The following CMIP variants were observed in gnomAD, a reference collection of about 807,000 sequenced individuals.
CMIP encodes the protein C-Maf-inducing protein.
CMIP carries 13 observed loss-of-function variants against 97.3 expected under a neutral mutation model. That is an observed-to-expected ratio of 0.13 (90% CI 0.09 to 0.21). The LOEUF is 0.21. Ranked by LOEUF, CMIP falls within the 10% of genes least tolerant of loss-of-function variation. The pLI is 1.00. For synonymous variants in CMIP, 538 were observed against 436.3 expected (o/e 1.23, Z -2.91); for missense variants, 847 against 1,024.9 (o/e 0.83, Z 2.37).
chr16:81,545,018 G>A (rs1017101192), intron 1 of CMIP, among the ~76,000 whole-genome samples: 1 of 152,088 alleles, frequency 6.6e-6, no homozygotes, highest in Non-Finnish European at 1.5e-5. Flanking sequence ...CAGACACCCT[G>A]TGCTCCAGCC....
rs1322726280 is a variant in CMIP, at chr16:81,444,938, C to G, written c.-304C>G. Among the ~76,000 whole-genome samples the G allele has an allele frequency of 7.3e-6, 1 of 136,470 alleles. No individual in the cohort carries two copies. The highest frequency in any genetic ancestry group is 1.6e-5 in the Non-Finnish European group (1 of 61,810). 89.5% of individuals were successfully genotyped at this position (136,470 alleles called of 152,430 possible). A position where few individuals can be genotyped will look rare whatever the true frequency, so the allele number is the denominator to read the frequency against. On this transcript the variant is annotated 5_prime_UTR_variant, in exon 1 of 21. Transcript: ENST00000537098. ...CCCGCCCTCCGCGCCTGGCCCCGGCCCGCCCTCGGCCTCCCCCGCCCCTCC... is the reference window on the plus strand; with the variant it reads ...CCCGCCCTCCGCGCCTGGCCCCGGCGCGCCCTCGGCCTCCCCCGCCCCTCC...
chr16:81,614,757 ATGTCTGTGG>A lies in CMIP; in HGVS notation c.427-6115_427-6107del, dbSNP rs746617081. On this transcript the variant is annotated intron_variant, in intron 2 of 20. Coordinates refer to ENST00000537098, the MANE Select transcript of CMIP (RefSeq NM_198390.3). This position sits in a 1 kb window ranked among gnomAD's most constrained non-coding sequence, Gnocchi z 5.3. The stretch of plus-strand genomic sequence containing the variant: ...TGTCTCTGTGAGTGTGTATGTGTCT[ATGTCTGTGG>A]TGTGTGTGGTATGTGTGCATGTGTG... Among the ~76,000 whole-genome samples, 7 of 149,918 alleles carry A rather than the reference ATGTCTGTGG, an allele frequency of 4.7e-5. No individual in the cohort carries two copies. Among genetic ancestry groups the A allele is most frequent in the Non-Finnish European group, 8.9e-5 (6 of 67,574 alleles).
chr16:81,498,911 G>T (rs1260172635), intron 1 of CMIP, among the ~76,000 whole-genome samples: 1 of 152,190 alleles, frequency 6.6e-6, no homozygotes, highest in East Asian at 1.9e-4. Flanking sequence ...TCACCCACAC[G>T]TATGCATTTA....
intron 1 of CMIP, among the ~76,000 whole-genome samples, chr16:81,583,299 C>T (rs915949608): frequency 6.6e-6 from 1 of 152,230 alleles, no homozygotes; most frequent in Non-Finnish European, 1.5e-5. Context: ...CCGGCACTTC[C>T]CCCCGGGGTC....
chr16:81,651,072 G>C (rs2092422671), intron 3 of CMIP: 1 of 152,208 alleles, frequency 6.6e-6, no homozygotes, highest in Non-Finnish European at 1.5e-5. Context: ...GTTCAGCAAG[G>C]GACCCTCCTC....
chr16:81,605,751 C>G (rs752996924), intron 1 of CMIP, among the ~76,000 whole-genome samples: 2 of 152,212 alleles, frequency 1.3e-5, no homozygotes, highest in South Asian at 2.1e-4. Flanking sequence ...TTATGCGGCC[C>G]TTGCCACTCT....
chr16:81,504,641 CAAAAAAAAAAAAA>C (rs149715666), intron 1 of CMIP, among the ~76,000 whole-genome samples: 2 of 71,986 alleles, frequency 2.8e-5, no homozygotes, highest in Admixed American at 1.6e-4. Context: ...AGACTCGTCT[CAAAAAAAAAAAAA>C]AAAAAAAAAA....
intron 1 of CMIP, among the ~76,000 whole-genome samples, chr16:81,501,348 A>G (rs2089607988): frequency 6.6e-6 from 1 of 152,258 alleles, no homozygotes; most frequent in Non-Finnish European, 1.5e-5. Flanking sequence ...CGTGTGCCAC[A>G]CAGCCTCAGG....
rs138335362 is a variant in CMIP at position 81,647,254 on chromosome 16, A to G, written c.478-4949A>G. ...ATGCTTACTCCTAGGCTGGAATTTG[A>G]CTTTTAAAGCCAGACCTTGGCAAAC... On this transcript the variant is annotated intron_variant, in intron 3 of 20. Coordinates refer to ENST00000537098, the MANE Select transcript of CMIP (RefSeq NM_198390.3). Among the ~76,000 whole-genome samples, 12 of 152,328 alleles carry G rather than the reference A, an allele frequency of 7.9e-5. No homozygotes were observed. The East Asian group carries it at 2.3e-3, about 29-fold the overall frequency.
chr16:81,656,274 C>T (rs559917801), intron 4 of CMIP, among the ~76,000 whole-genome samples: 3 of 152,296 alleles, frequency 2.0e-5, no homozygotes, highest in Admixed American at 6.5e-5. Flanking sequence ...TTTTCTTTTG[C>T]CTTGGCTTCT....
intron 1 of CMIP, among the ~76,000 whole-genome samples, chr16:81,498,369 C>T (rs1011277923): frequency 6.6e-6 from 1 of 152,222 alleles, no homozygotes; most frequent in Admixed American, 6.5e-5. Context: ...GGGCTGGGCA[C>T]AGGCCTGAGT....
chr16:81,481,629 G>A (rs930771781), intron 1 of CMIP, among the ~76,000 whole-genome samples: 10 of 152,202 alleles, frequency 6.6e-5, no homozygotes, highest in African/African-American at 2.4e-4. Flanking sequence ...TGGCTGCTAT[G>A]ACAAATGACC....
intron 1 of CMIP, among the ~76,000 whole-genome samples, chr16:81,546,897 C>T (rs571773416): frequency 1.5e-3 from 225 of 152,318 alleles, no homozygotes; most frequent in Non-Finnish European, 2.6e-3. Context: ...CGTAGCCACG[C>T]GTGGCGAACA....
rs752406215 is a variant in CMIP, at chr16:81,696,701, G to C, written c.1638+34G>C. ...TGGGACCCCAGTGGGGTGACTTCCA[G>C]GGGTCCCTGGGCTTGCCATGCCTGA... On this transcript the variant is annotated intron_variant, in intron 14 of 20. Transcript: ENST00000537098. 1.9e-6 allele frequency: 3 copies of C among 1,585,658 alleles called. No homozygotes were observed. In the African/African-American group the frequency reaches 4.0e-5, roughly 21 times the overall value.
At chr16:81,483,543 T>C (rs1256490549) in intron 1 of CMIP, among the ~76,000 whole-genome samples, 1 of 151,974 alleles carries the variant, frequency 6.6e-6, no homozygotes, top group African/African-American at 2.4e-5. Context: ...GCCTCCTGGC[T>C]TGCCTCTCTC....
At chr16:81,583,339 G>A (rs2091328107) in intron 1 of CMIP, among the ~76,000 whole-genome samples, 1 of 152,240 alleles carries the variant, frequency 6.6e-6, no homozygotes, top group African/African-American at 2.4e-5. Context: ...ACAGCTGTGG[G>A]CCTGATGGTA....
In CMIP at chr16:81,711,165, A is replaced by G. The variant is rs972925113; in HGVS notation, c.*1366A>G. On this transcript the variant is annotated 3_prime_UTR_variant, in exon 21 of 21. Transcript: ENST00000537098. ...CCTCACTGTACAGAACAGCCCGTTG[A>G]TGGTTTATTTGGGGTCCCCCTCTCC... 6.6e-6 allele frequency: 1 copy of G among 152,212 alleles called. No homozygotes were observed. The highest frequency in any genetic ancestry group is 2.4e-5 in the African/African-American group (1 of 41,296). The allele number at this position is 152,212 out of a possible 1,614,324, so 9.4% of individuals were successfully genotyped here. A position where few individuals can be genotyped will look rare whatever the true frequency, so the allele number is the denominator to read the frequency against.
chr16:81,560,146 T>TAA lies in CMIP; in HGVS notation c.301-47407_301-47406dup, dbSNP rs71146020. The stretch of plus-strand genomic sequence containing the variant: ...TGGGCGACAGAGCGAGACTCTGTCT[T>TAA]AAAAAAAAAAAAAAAGAAAAAGAAA... On this transcript the variant is annotated intron_variant, in intron 1 of 20. Transcript: ENST00000537098. Among the ~76,000 whole-genome samples the TAA allele has an allele frequency of 7.5e-3, 826 of 110,000 alleles. 14 individuals carry two copies. The highest frequency in any genetic ancestry group is 0.026 in the African/African-American group (694 of 27,184). The allele number at this position is 110,000 out of a possible 152,430, so 72.2% of individuals were successfully genotyped here. A position where few individuals can be genotyped will look rare whatever the true frequency, so the allele number is the denominator to read the frequency against.
At chr16:81,539,309 C>T (rs1480541652) in intron 1 of CMIP, among the ~76,000 whole-genome samples, 2 of 152,320 alleles carry the variant, frequency 1.3e-5, no homozygotes, top group African/African-American at 2.4e-5. Context: ...AAGGTTCTAA[C>T]CAGGCGTCCT....
Sources: allele counts gnomAD v4.1 joint callset (sites outside exome capture counted in the v4.1 genomes callset), GRCh38; gene constraint gnomAD v4.1.1; non-coding constraint Gnocchi (gnomAD v3.1); transcripts MANE v1.5; gene names NCBI Gene and HGNC (gene_info 2026-07-23, HGNC 2026-07-21).